The following NFX1 variants were observed in gnomAD, a reference collection of about 807,000 sequenced individuals.
NFX1 encodes the protein transcriptional repressor NF-X1.
In NFX1, 69 loss-of-function variants were observed where a neutral mutation model predicts 137.2. That is an observed-to-expected ratio of 0.50 (90% confidence interval 0.41 to 0.61). NFX1 has a LOEUF of 0.61. Among genes scored for constraint, NFX1 ranks in the 20% least tolerant of loss-of-function variants. NFX1 has a pLI of 0.00. For missense variants in NFX1, 1,167 were observed against 1,391.0 expected (o/e 0.84, Z 2.56); for synonymous variants, 495 against 474.1 (o/e 1.04, Z -0.57).
intron 7 of NFX1, among the ~76,000 whole-genome samples, chr9:33,315,444 C>G (rs1397039774): frequency 6.6e-6 from 1 of 152,112 alleles, no homozygotes; most frequent in Non-Finnish European, 1.5e-5. Context: ...GAAATATACT[C>G]TCTCCTTCGT....
At chr9:33,337,834 A>C (rs960668983) in intron 11 of NFX1, among the ~76,000 whole-genome samples, 4 of 152,180 alleles carry the variant, frequency 2.6e-5, no homozygotes, top group Non-Finnish European at 5.9e-5. Flanking sequence ...GAATCACCTG[A>C]GGTCAGGTGT....
chr9:33,301,162 G>C, intron 2 of NFX1, 101 bp from the exon 3 acceptor site: 1 of 1,094,160 alleles, frequency 9.1e-7, no homozygotes, highest in Non-Finnish European at 1.3e-6. Context: ...TCTGTGTTTG[G>C]ATTCTTCTCT....
intron 9 of NFX1, among the ~76,000 whole-genome samples, chr9:33,324,928 C>CAA (rs1269732305): frequency 2.7e-4 from 19 of 70,872 alleles, no homozygotes; most frequent in South Asian, 8.7e-4. Flanking sequence ...GATTCCATCT[C>CAA]AAAAAAAAAA....
chr9:33,306,923 A>G (rs1038157923), intron 4 of NFX1, among the ~76,000 whole-genome samples: 4 of 152,190 alleles, frequency 2.6e-5, no homozygotes, highest in Non-Finnish European at 4.4e-5. Flanking sequence ...AAACGTTTCC[A>G]TTAGTCAAGA....
Position 33,294,768 on chromosome 9 carries a change from C to T in NFX1, c.374C>T (p.Ala125Val), listed in dbSNP as rs1821288864. 6.2e-7 allele frequency: 1 copy of T among 1,614,088 alleles called. No homozygotes were observed. The highest frequency in any genetic ancestry group is 8.5e-7 in the Non-Finnish European group (1 of 1,180,028). Residue 125 changes from alanine (A) to valine (V), a missense_variant, in exon 2 of 24, where the codon GCT becomes GTT. Around this residue, in one of 3 missense-constraint regions of NFX1, gnomAD observed 367 missense variants for 386.7 expected, o/e 0.95. Coordinates refer to ENST00000379540, the MANE Select transcript of NFX1 (RefSeq NM_002504.6). Reference sequence around the variant, plus strand: ...AGAGTCAAGAAAGCACAGAGTCTTGCTGAGCAGACCTCAGATACAGCTGGA... The same window carrying T: ...AGAGTCAAGAAAGCACAGAGTCTTGTTGAGCAGACCTCAGATACAGCTGGA... The part of the protein sequence containing the change: ...HIRVKKAQSL[A>V]EQTSDTAGLE...
intron 9 of NFX1, among the ~76,000 whole-genome samples, chr9:33,325,612 C>T (rs1246678781): frequency 1.3e-5 from 2 of 151,642 alleles, no homozygotes; most frequent in East Asian, 1.9e-4. Context: ...TGCAGTGAGC[C>T]GAGATTGCGC....
chr9:33,332,680 C>A, intron 11 of NFX1, 178 bp downstream of exon 11: 1 of 524,400 alleles, frequency 1.9e-6, no homozygotes. Flanking sequence ...TGATGAAATG[C>A]TGAAAAATAT....
In NFX1 at chr9:33,294,559, C is replaced by G. The variant is rs1265616815; in HGVS notation, c.165C>G (p.His55Gln). The change falls in exon 2 of 24, where the codon CAC (histidine) becomes CAG (glutamine). Residue 55 changes from histidine to glutamine, a missense_variant. Transcript: ENST00000379540. Reference sequence around the variant, plus strand: ...ATTACAGTTCACCACCTCCCTGTCACCTTTCCAGGCAGGTCCCTTATGATG... The same window carrying G: ...ATTACAGTTCACCACCTCCCTGTCAGCTTTCCAGGCAGGTCCCTTATGATG... ...RRNYSSPPPCHLSRQVPYDEI... is the reference protein window; with the variant it reads ...RRNYSSPPPCQLSRQVPYDEI... 1.2e-6 allele frequency: 2 copies of G among 1,614,222 alleles called. No individual in the cohort carries two copies. The highest frequency in any genetic ancestry group is 2.7e-5 in the African/African-American group (2 of 75,046).
chr9:33,301,932 C>T (rs1238866050), intron 3 of NFX1, among the ~76,000 whole-genome samples: 2 of 152,132 alleles, frequency 1.3e-5, no homozygotes, highest in East Asian at 1.9e-4. Context: ...ATTAGCCAGG[C>T]GTGGTGGCGG....
intron 12 of NFX1, 94 bp downstream of exon 12, chr9:33,338,683 A>C (rs1823105109): frequency 2.1e-5 from 23 of 1,108,302 alleles, no homozygotes; most frequent in Non-Finnish European, 3.0e-5. Context: ...CCCGGATTTA[A>C]AAGTCACTGG....
intron 6 of NFX1, 34 bp from the exon 7 acceptor site, chr9:33,313,620 A>G (rs771563414): frequency 6.2e-7 from 1 of 1,608,394 alleles, no homozygotes; most frequent in South Asian, 1.1e-5. Flanking sequence ...GAACTTTTAC[A>G]CTGATGCTGT....
Position 33,295,159 on chromosome 9 carries a change from A to G in NFX1, c.765A>G (p.Pro255=). 1 of 1,614,178 alleles carries G rather than the reference A, an allele frequency of 6.2e-7. No homozygotes were observed. Among genetic ancestry groups the G allele is most frequent in the Non-Finnish European group, 8.5e-7 (1 of 1,180,022 alleles). The change falls in exon 2 of 24, where the codon CCA becomes CCG. Residue 255 remains proline (P), a synonymous_variant. Transcript: ENST00000379540. ...RPPWEVEGAR[P]RPGRNPPKQE... Reference sequence around the variant, plus strand: ...CCTGGGAAGTGGAGGGGGCCAGGCCACGACCAGGCAGAAATCCACCAAAAC... The same window carrying G: ...CCTGGGAAGTGGAGGGGGCCAGGCCGCGACCAGGCAGAAATCCACCAAAAC...
At chr9:33,355,641 C>CTTTT (rs35866452) in intron 19 of NFX1, among the ~76,000 whole-genome samples, 4 of 92,200 alleles carry the variant, frequency 4.3e-5, no homozygotes, top group Non-Finnish European at 8.5e-5. Context: ...GTTAAGAATT[C>CTTTT]TTTTTTTTTT....
intron 6 of NFX1, among the ~76,000 whole-genome samples, chr9:33,313,348 G>A (rs1202962687): frequency 6.6e-6 from 1 of 151,948 alleles, no homozygotes; most frequent in Non-Finnish European, 1.5e-5. Flanking sequence ...CAACACTTTG[G>A]GAGCCTGAGG....
chr9:33,299,488 C>T (rs1304184605), intron 2 of NFX1, among the ~76,000 whole-genome samples: 1 of 152,066 alleles, frequency 6.6e-6, no homozygotes, highest in Non-Finnish European at 1.5e-5. Context: ...AGTTCAAGAC[C>T]ATCCTGGGCA....
intron 15 of NFX1, among the ~76,000 whole-genome samples, chr9:33,351,255 C>A (rs540881093): frequency 6.6e-6 from 1 of 151,870 alleles, no homozygotes; most frequent in Non-Finnish European, 1.5e-5. Flanking sequence ...CTCAAGAGTT[C>A]GAGACCAGCC....
At chr9:33,323,224 T>C (rs1242259222) in intron 9 of NFX1, among the ~76,000 whole-genome samples, 2 of 152,098 alleles carry the variant, frequency 1.3e-5, no homozygotes, top group African/African-American at 4.8e-5. Flanking sequence ...GAAAATAGAC[T>C]TCACTGAAAT....
intron 10 of NFX1, among the ~76,000 whole-genome samples, chr9:33,331,595 A>G (rs2118490611): frequency 6.6e-6 from 1 of 152,134 alleles, no homozygotes; most frequent in African/African-American, 2.4e-5. Context: ...CATATCATCA[A>G]TCCCAGACAC....
At chr9:33,363,969 C>G (rs1333638356) in intron 19 of NFX1, 41 bp from the exon 20 acceptor site, 3 of 1,404,456 alleles carry the variant, frequency 2.1e-6, no homozygotes, top group East Asian at 2.5e-5. Flanking sequence ...GATAGTTTCC[C>G]TCCCACTCCT....
Sources: gnomAD v4.1 joint callset for allele counts (sites outside exome capture counted in the v4.1 genomes callset) on GRCh38, gnomAD v4.1.1 for gene constraint, gnomAD v4.1.1 regional missense constraint, MANE v1.5 for transcripts, NCBI Gene and HGNC (gene_info 2026-07-23, HGNC 2026-07-21) for gene names.